Variants in ANO3 observed in about 807,000 individuals in gnomAD.
The protein encoded by ANO3 is anoctamin 3, also known as anoctamin-3.
ANO3 carries 99 observed loss-of-function variants against 144.8 expected under a neutral mutation model. The observed-to-expected ratio is 0.68, with a 90% CI of 0.58 to 0.81. ANO3 has a LOEUF of 0.81. ANO3 is among the 30% of genes least tolerant of loss of function. The probability of loss-of-function intolerance (pLI) is 0.00; values close to 1 mark genes in which losing one functional copy is unlikely to be tolerated. For missense variants in ANO3, 905 were observed against 1,202.2 expected (o/e 0.75, Z 3.66); for synonymous variants, 414 against 392.6 (o/e 1.05, Z -0.64).
At chr11:26,648,736 G>C (rs1012438779) in intron 24 of ANO3, among the ~76,000 whole-genome samples, 6 of 152,192 alleles carry the variant, frequency 3.9e-5, no homozygotes, top group African/African-American at 1.4e-4. Context: ...GGAGGCACAT[G>C]AAACAGAGCT....
intron 3 of ANO3, among the ~76,000 whole-genome samples, chr11:26,445,085 T>G (rs1330997643): frequency 1.3e-5 from 2 of 152,190 alleles, no homozygotes; most frequent in Non-Finnish European, 2.9e-5. Context: ...ATATTTGTAT[T>G]ATATACTTAC....
chr11:26,211,270 C>A (rs1000834657), intron 1 of ANO3, among the ~76,000 whole-genome samples: 1 of 151,906 alleles, frequency 6.6e-6, no homozygotes, highest in African/African-American at 2.4e-5. Context: ...GGGTAAATAA[C>A]GAAATTAAGG....
At chr11:26,636,362 G>A (rs1852958276) in intron 20 of ANO3, among the ~76,000 whole-genome samples, 1 of 152,152 alleles carries the variant, frequency 6.6e-6, no homozygotes, top group East Asian at 1.9e-4. Context: ...AACTGGCTAA[G>A]CTAGACTTGT....
chr11:26,507,942 A>T (rs935360478), intron 4 of ANO3, among the ~76,000 whole-genome samples, 162 bp from the exon 5 acceptor site: 2 of 152,204 alleles, frequency 1.3e-5, no homozygotes, highest in Admixed American at 6.5e-5. Flanking sequence ...CTCCTATAGT[A>T]GATTGTAAAC....
chr11:26,540,502 A>G (rs1849616333), intron 10 of ANO3, among the ~76,000 whole-genome samples: 1 of 152,210 alleles, frequency 6.6e-6, no homozygotes, highest in Non-Finnish European at 1.5e-5. Context: ...AGAAACTATC[A>G]TCAGAGTGAA....
At chr11:26,346,866 G>A (rs949598662) in intron 1 of ANO3, among the ~76,000 whole-genome samples, 8 of 152,100 alleles carry the variant, frequency 5.3e-5, no homozygotes, top group South Asian at 4.1e-4. Flanking sequence ...TTTAGACACC[G>A]GCTTTAGTCA....
At chr11:26,519,495 C>A (rs896379400) in intron 6 of ANO3, among the ~76,000 whole-genome samples, 1 of 152,068 alleles carries the variant, frequency 6.6e-6, no homozygotes, top group African/African-American at 2.4e-5. Context: ...AACAAATTAC[C>A]ACATACTGGA....
chr11:26,367,730 G>A (rs1856133100), intron 1 of ANO3, among the ~76,000 whole-genome samples: 2 of 152,172 alleles, frequency 1.3e-5, no homozygotes, highest in Non-Finnish European at 2.9e-5. Context: ...CTGCATGGAA[G>A]CATACAGTAA....
chr11:26,630,310 C>G (rs1852734731), intron 18 of ANO3, among the ~76,000 whole-genome samples: 1 of 152,180 alleles, frequency 6.6e-6, no homozygotes, highest in Non-Finnish European at 1.5e-5. Flanking sequence ...TATTATTTGT[C>G]TTCACTGGCA....
intron 17 of ANO3, among the ~76,000 whole-genome samples, chr11:26,611,024 C>G (rs61878598): frequency 0.031 from 4,682 of 151,988 alleles, 104 homozygotes; most frequent in Non-Finnish European, 0.049. Context: ...TAGGTCTTTC[C>G]TCTTTTTTTC....
intron 1 of ANO3, among the ~76,000 whole-genome samples, chr11:26,199,466 G>C (rs949230780): frequency 6.6e-6 from 1 of 152,018 alleles, no homozygotes; most frequent in East Asian, 1.9e-4. Context: ...AATTCACGTG[G>C]GTCTTTTATG....
At chr11:26,616,162 A>C (rs1852255197) in intron 17 of ANO3, among the ~76,000 whole-genome samples, 1 of 152,188 alleles carries the variant, frequency 6.6e-6, no homozygotes, top group African/African-American at 2.4e-5. Flanking sequence ...AAATCAGTAC[A>C]TTGATATTAT....
chr11:26,209,522 C>T (rs554051641), intron 1 of ANO3, among the ~76,000 whole-genome samples: 2 of 152,304 alleles, frequency 1.3e-5, no homozygotes, highest in African/African-American at 4.8e-5. Flanking sequence ...AATGGGATTG[C>T]TCGGTCAAAT....
chr11:26,520,357 T>C (rs1862024735), intron 6 of ANO3, among the ~76,000 whole-genome samples: 1 of 151,980 alleles, frequency 6.6e-6, no homozygotes, highest in African/African-American at 2.4e-5. Flanking sequence ...TTCTACTATA[T>C]CCAAGGAAAA....
intron 26 of ANO3, among the ~76,000 whole-genome samples, chr11:26,658,538 A>G (rs1334383801): frequency 6.6e-6 from 1 of 152,102 alleles, no homozygotes; most frequent in Non-Finnish European, 1.5e-5. Flanking sequence ...TGAACCCAGG[A>G]GGCGGAGGTT....
intron 4 of ANO3, among the ~76,000 whole-genome samples, chr11:26,480,751 T>C (rs1436547596): frequency 6.6e-6 from 1 of 152,050 alleles, no homozygotes; most frequent in Non-Finnish European, 1.5e-5. Context: ...GAGTTTGCGG[T>C]GAGCTGAGTT....
At chr11:26,527,123 A>C (rs913879185) in intron 7 of ANO3, among the ~76,000 whole-genome samples, 1 of 152,092 alleles carries the variant, frequency 6.6e-6, no homozygotes, top group Non-Finnish European at 1.5e-5. Flanking sequence ...CTGTATATTA[A>C]AATTGGAACA....
chr11:26,613,353 A>G (rs1050141748), intron 17 of ANO3, among the ~76,000 whole-genome samples: 2 of 152,168 alleles, frequency 1.3e-5, no homozygotes, highest in Admixed American at 6.5e-5. Context: ...TTTTATGTCT[A>G]TCTTTTTATT....
At chr11:26,436,375 G>A (rs1713173369) in intron 1 of ANO3, among the ~76,000 whole-genome samples, 1 of 152,140 alleles carries the variant, frequency 6.6e-6, no homozygotes, top group Admixed American at 6.5e-5. Flanking sequence ...ACTGGATCAG[G>A]GACCCACATA....
Sources: allele counts gnomAD v4.1 joint callset (sites outside exome capture counted in the v4.1 genomes callset), GRCh38; gene constraint gnomAD v4.1.1; transcripts MANE v1.5; gene names NCBI Gene and HGNC (gene_info 2026-07-23, HGNC 2026-07-21).